ZNF207: variants seen among roughly 807,000 people sequenced by gnomAD.
ZNF207 encodes BUB3-interacting and GLEBS motif-containing protein ZNF207.
In ZNF207, 24 loss-of-function variants were observed where a neutral mutation model predicts 60.2. The ratio of observed to expected loss-of-function variants is 0.40; its 90% CI spans 0.29 to 0.56. The LOEUF is 0.56. ZNF207 is among the 20% of genes least tolerant of loss of function. The pLI, the probability that ZNF207 is intolerant of heterozygous loss-of-function variation, is 0.49. For synonymous variants in ZNF207, 236 were observed against 194.7 expected (o/e 1.21, Z -1.77); for missense variants, 452 against 636.6 (o/e 0.71, Z 3.12).
chr17:32,355,991 G>C (rs1904485233), intron 2 of ZNF207, among the ~76,000 whole-genome samples: 1 of 152,146 alleles, frequency 6.6e-6, no homozygotes, highest in African/African-American at 2.4e-5. Flanking sequence ...GCAGAGAAGT[G>C]GAGTGGAAGC....
At chr17:32,368,106 A>C in intron 10 of ZNF207, 92 bp downstream of exon 10, 1 of 1,534,276 alleles carries the variant, frequency 6.5e-7, no homozygotes, top group Non-Finnish European at 8.8e-7. Context: ...TTGTACTCAG[A>C]TGGTCTGTGA....
In ZNF207 at chr17:32,367,873, T is replaced by C. The variant is rs1905275488; in HGVS notation, c.1023T>C (p.Tyr341=). 3 of 1,614,074 alleles carry C rather than the reference T, an allele frequency of 1.9e-6. No homozygotes were observed. The highest frequency in any genetic ancestry group is 1.7e-5 in the Admixed American group (1 of 60,010). Reference sequence around the variant, plus strand: ...CCCCAAAGCCTACATTCCCTGCTTATACACAGTCTACAGCTTCAACAACTA... The same window carrying C: ...CCCCAAAGCCTACATTCCCTGCTTACACACAGTCTACAGCTTCAACAACTA... ...TEPPKPTFPA[Y]TQSTASTTST... Residue 341 remains tyrosine, a synonymous_variant, in exon 10 of 12, where the codon TAT becomes TAC. Coordinates refer to ENST00000394670, the MANE Select transcript of ZNF207 (RefSeq NM_001098507.2).
In ZNF207 at chr17:32,376,409, A is replaced by G. The variant is rs990031877; in HGVS notation, c.*6650A>G. On this transcript the variant is annotated 3_prime_UTR_variant, in exon 12 of 12. Transcript: ENST00000394670. ...TGCTCTTGGCTCTATACATTTTTGC[A>G]TAATATTTTAGTCTTGAAAAGCTTT... The G allele has an allele frequency of 1.3e-5, 2 of 152,026 alleles. No individual in the cohort carries two copies. The highest frequency in any genetic ancestry group is 2.1e-4 in the South Asian group (1 of 4,834). 9.4% of individuals were successfully genotyped at this position (152,026 alleles called of 1,614,324 possible).
At chr17:32,354,551 C>T (rs991829605) in intron 2 of ZNF207, among the ~76,000 whole-genome samples, 26 of 151,342 alleles carry the variant, frequency 1.7e-4, no homozygotes, top group African/African-American at 5.3e-4. Context: ...TCAAGTGATC[C>T]CATCTACTTT....
intron 3 of ZNF207, among the ~76,000 whole-genome samples, chr17:32,360,186 C>CCCAA (rs1555606145): frequency 9.6e-5 from 5 of 52,254 alleles, no homozygotes; most frequent in Admixed American, 2.2e-4. Context: ...ACCCCCCCCC[C>CCCAA]AAAAAAAAAA....
Position 32,375,244 on chromosome 17 carries a change from T to C in ZNF207, c.*5485T>C, listed in dbSNP as rs1905637067. 6.6e-6 allele frequency: 1 copy of C among 152,220 alleles called. No individual in the cohort carries two copies. The highest frequency in any genetic ancestry group is 6.5e-5 in the Admixed American group (1 of 15,284). 9.4% of individuals were successfully genotyped at this position (152,220 alleles called of 1,614,324 possible). A position where few individuals can be genotyped will look rare whatever the true frequency, so the allele number is the denominator to read the frequency against. On this transcript the variant is annotated 3_prime_UTR_variant, in exon 12 of 12. Transcript: ENST00000394670. Reference sequence around the variant, plus strand: ...TTTAATATTTAAAGAATTTTGTTGCTTCCATGACAAAATATCCCATTGGAC... The same window carrying C: ...TTTAATATTTAAAGAATTTTGTTGCCTCCATGACAAAATATCCCATTGGAC...
Position 32,373,673 on chromosome 17 carries a change from G to T in ZNF207, c.*3914G>T, listed in dbSNP as rs1428641101. 2.8e-6 allele frequency: 1 copy of T among 361,896 alleles called. No individual in the cohort carries two copies. The highest frequency in any genetic ancestry group is 4.9e-6 in the Non-Finnish European group (1 of 204,738). 22.4% of individuals were successfully genotyped at this position (361,896 alleles called of 1,614,324 possible). Reference sequence around the variant, plus strand: ...TTTCATATGCAATTTTATGTAATTTGCTGTGTGTTACATAATTAACAGCTT... The same window carrying T: ...TTTCATATGCAATTTTATGTAATTTTCTGTGTGTTACATAATTAACAGCTT... On this transcript the variant is annotated 3_prime_UTR_variant, in exon 12 of 12. Coordinates refer to ENST00000394670, the MANE Select transcript of ZNF207 (RefSeq NM_001098507.2).
At chr17:32,363,700 T>C (rs1048796663) in intron 7 of ZNF207, among the ~76,000 whole-genome samples, 1 of 151,654 alleles carries the variant, frequency 6.6e-6, no homozygotes, top group Non-Finnish European at 1.5e-5. Flanking sequence ...CCTGGCTCAT[T>C]TTTGTATTTT....
rs751518083 is a variant in ZNF207, at chr17:32,380,326, A to G, written c.*10567A>G. On this transcript the variant is annotated 3_prime_UTR_variant, in exon 12 of 12. Transcript: ENST00000394670. ...GCGACTTCATGTAGATGTGATTAAC[A>G]TTTTTTACAAATTTGCCTGCATAAA... 3 of 152,456 alleles carry G rather than the reference A, an allele frequency of 2.0e-5. No homozygotes were observed. Among genetic ancestry groups the G allele is most frequent in the Non-Finnish European group, 2.9e-5 (2 of 68,042 alleles). The allele number at this position is 152,456 out of a possible 1,614,324, so 9.4% of individuals were successfully genotyped here. A position where few individuals can be genotyped will look rare whatever the true frequency, so the allele number is the denominator to read the frequency against.
At chr17:32,352,920 T>G (rs1269614039) in intron 2 of ZNF207, among the ~76,000 whole-genome samples, 1 of 152,196 alleles carries the variant, frequency 6.6e-6, no homozygotes, top group Admixed American at 6.5e-5. Context: ...CTCACGCCTG[T>G]AATCCCAGCG....
At chr17:32,366,190 ATTGC>A (rs1170686643) in intron 8 of ZNF207, among the ~76,000 whole-genome samples, 1 of 151,864 alleles carries the variant, frequency 6.6e-6, no homozygotes, top group Non-Finnish European at 1.5e-5. Context: ...ATTTTTTTAA[ATTGC>A]TTTTTTCTGT....
chr17:32,357,571 A>G (rs983700462), intron 2 of ZNF207, among the ~76,000 whole-genome samples: 1 of 151,108 alleles, frequency 6.6e-6, no homozygotes, highest in Non-Finnish European at 1.5e-5. Flanking sequence ...CTGGTCTCGA[A>G]CTCTTGACCT....
chr17:32,378,610 C>G lies in ZNF207; in HGVS notation c.*8851C>G, dbSNP rs896666763. On this transcript the variant is annotated 3_prime_UTR_variant, in exon 12 of 12. Transcript: ENST00000394670. Reference sequence around the variant, plus strand: ...TTAATACTGAAAGTTGACTACTCATCAAGAAATGTAGCTAGATTCTTTATG... The same window carrying G: ...TTAATACTGAAAGTTGACTACTCATGAAGAAATGTAGCTAGATTCTTTATG... 1.3e-5 allele frequency: 2 copies of G among 151,954 alleles called. No homozygotes were observed. The highest frequency in any genetic ancestry group is 4.8e-5 in the African/African-American group (2 of 41,406). 9.4% of individuals were successfully genotyped at this position (151,954 alleles called of 1,614,324 possible). A position where few individuals can be genotyped will look rare whatever the true frequency, so the allele number is the denominator to read the frequency against.
rs1483809623 is a variant in ZNF207 at position 32,381,299 on chromosome 17, G to A, written c.*11540G>A. 2.0e-5 allele frequency: 3 copies of A among 152,212 alleles called. No individual in the cohort carries two copies. The highest frequency in any genetic ancestry group is 7.2e-5 in the African/African-American group (3 of 41,450). The allele number at this position is 152,212 out of a possible 1,614,324, so 9.4% of individuals were successfully genotyped here. A position where few individuals can be genotyped will look rare whatever the true frequency, so the allele number is the denominator to read the frequency against. Reference sequence around the variant, plus strand: ...TGTAAGGAGGTCCTGAACAAAGCATGATAAATGTTAGTCCATGTGTATTAT... The same window carrying A: ...TGTAAGGAGGTCCTGAACAAAGCATAATAAATGTTAGTCCATGTGTATTAT... On this transcript the variant is annotated 3_prime_UTR_variant, in exon 12 of 12. Transcript: ENST00000394670.
chr17:32,362,287 C>A (rs1184195090), intron 6 of ZNF207, among the ~76,000 whole-genome samples: 1 of 152,148 alleles, frequency 6.6e-6, no homozygotes, highest in African/African-American at 2.4e-5. Context: ...CTCTGAGTAT[C>A]TGGGACTACA....
At position 32,381,770 on chromosome 17, in the gene ZNF207, T is replaced by C. The variant is rs1363294103; in HGVS notation, c.*12011T>C. On this transcript the variant is annotated 3_prime_UTR_variant, in exon 12 of 12. Coordinates refer to ENST00000394670, the MANE Select transcript of ZNF207 (RefSeq NM_001098507.2). ...TTTCATCTAAAAGTGGAAAGATTTT[T>C]GCTTCTGCGTTATTAAGAGCCTCTT... 1 of 152,272 alleles carries C rather than the reference T, an allele frequency of 6.6e-6. No individual in the cohort carries two copies. The highest frequency in any genetic ancestry group is 1.9e-4 in the East Asian group (1 of 5,206). The allele number at this position is 152,272 out of a possible 1,614,324, so 9.4% of individuals were successfully genotyped here.
At chr17:32,361,640 C>T (rs906480296) in intron 6 of ZNF207, 125 bp downstream of exon 6, 94 of 790,012 alleles carry the variant, frequency 1.2e-4, no homozygotes, top group Non-Finnish European at 1.7e-4. Context: ...CTAAAACTTG[C>T]AAGCTAATTA....
chr17:32,362,641 A>G (rs556441422), intron 6 of ZNF207: 5 of 313,428 alleles, frequency 1.6e-5, no homozygotes, highest in Admixed American at 1.5e-4. Flanking sequence ...CCTCTTGTAC[A>G]TATTGAGAGT....
chr17:32,373,177 C>T lies in ZNF207; in HGVS notation c.*3418C>T, dbSNP rs1905542550. 1 of 416,394 alleles carries T rather than the reference C, an allele frequency of 2.4e-6. No individual in the cohort carries two copies. Among genetic ancestry groups the T allele is most frequent in the East Asian group, 3.4e-5 (1 of 29,132 alleles). 25.8% of individuals were successfully genotyped at this position (416,394 alleles called of 1,614,324 possible). On this transcript the variant is annotated 3_prime_UTR_variant, in exon 12 of 12. Coordinates refer to ENST00000394670, the MANE Select transcript of ZNF207 (RefSeq NM_001098507.2). ...CTATTCCACTAAGTTACATTTTGAA[C>T]TTAGACTCACCTTAATTAAACTTAA...
Sources: gnomAD v4.1 joint callset for allele counts (sites outside exome capture counted in the v4.1 genomes callset) on GRCh38, gnomAD v4.1.1 for gene constraint, MANE v1.5 for transcripts, NCBI Gene and HGNC (gene_info 2026-07-23, HGNC 2026-07-21) for gene names.